Variants in RHCE observed in about 807,000 individuals in gnomAD.
RHCE encodes blood group Rh(CE) polypeptide.
A neutral mutation model predicts 43.8 loss-of-function variants in RHCE; 22 were observed. The observed-to-expected ratio is 0.50, with a 90% CI of 0.36 to 0.72. The LOEUF (loss-of-function observed/expected upper bound fraction) is 0.72, where lower values mean the gene tolerates loss of function less well. Ranked by LOEUF, RHCE falls within the 30% of genes least tolerant of loss-of-function variation. The pLI, the probability that RHCE is intolerant of heterozygous loss-of-function variation, is 0.00. For missense variants in RHCE, 385 were observed against 525.4 expected, an observed-to-expected ratio of 0.73 and a Z score of 2.61; for synonymous variants, 156 against 210.7, an observed-to-expected ratio of 0.74 and a Z score of 2.25.
Position 25,379,477 on chromosome 1 carries a change from ATATATATATATATATATATTTTTTTTTT to A in RHCE, c.1074-4077_1074-4050del, listed in dbSNP as rs1415799311. ...TATATATATATATATATATATATAT[ATATATATATATATATATATTTTTTTTTT>A]TTTTTTTTTTTTTTTTAAAGATGGG... On this transcript the variant is annotated intron_variant, in intron 7 of 9. Coordinates refer to ENST00000294413, the MANE Select transcript of RHCE (RefSeq NM_020485.8). Among the ~76,000 whole-genome samples the A allele has an allele frequency of 5.6e-3, 75 of 13,440 alleles. 1 individual carries two copies. The highest frequency in any genetic ancestry group is 9.4e-3 in the Admixed American group (8 of 852). 8.8% of individuals were successfully genotyped at this position (13,440 alleles called of 152,430 possible).
chr1:25,403,930 G>T (rs1275426083), intron 2 of RHCE, among the ~76,000 whole-genome samples: 11 of 151,600 alleles, frequency 7.3e-5, no homozygotes, highest in Admixed American at 7.2e-4. Flanking sequence ...CACTTTGGGA[G>T]GCCAAGGCAG....
intron 1 of RHCE, among the ~76,000 whole-genome samples, chr1:25,410,787 T>C (rs1217508700): frequency 1.3e-5 from 2 of 152,112 alleles, no homozygotes; most frequent in Admixed American, 1.3e-4. Context: ...TCATTTCCTA[T>C]TAGATTAAAC....
intron 3 of RHCE, among the ~76,000 whole-genome samples, chr1:25,397,111 C>CAAAAAA (rs151106139): frequency 2.3e-3 from 130 of 57,384 alleles, no homozygotes; most frequent in Non-Finnish European, 2.7e-3. Context: ...GACTCTGTCT[C>CAAAAAA]AAAAAAAAAA....
upstream of RHCE, among the ~76,000 whole-genome samples, chr1:25,423,547 G>A (rs1038500634): frequency 8.5e-5 from 13 of 152,164 alleles, no homozygotes; most frequent in East Asian, 1.9e-4. Flanking sequence ...CCCGCTCCTC[G>A]CAGAACAGAA....
upstream of RHCE, among the ~76,000 whole-genome samples, chr1:25,421,975 T>G (rs1274702803): frequency 5.9e-5 from 9 of 152,142 alleles, no homozygotes. Flanking sequence ...GAAATACTCA[T>G]GAGGTAGTGA....
upstream of RHCE, chr1:25,430,193 C>A (rs1054174378): frequency 1.3e-5 from 2 of 152,082 alleles, no homozygotes; most frequent in African/African-American, 4.8e-5. Context: ...CCCCGGGCAT[C>A]TCTGCGCTAC....
chr1:25,402,849 T>G, intron 2 of RHCE, 103 bp from the exon 3 acceptor site: 1 of 1,525,756 alleles, frequency 6.6e-7, no homozygotes, highest in Admixed American at 1.7e-5. Context: ...GGCACCTTAC[T>G]TTCTGTGGAA....
intron 2 of RHCE, among the ~76,000 whole-genome samples, chr1:25,427,213 G>A (rs1316614905): frequency 2.0e-5 from 3 of 152,170 alleles, no homozygotes; most frequent in Non-Finnish European, 2.9e-5. Context: ...ACAGAGGTGG[G>A]AATACCATTT....
At chr1:25,419,968 A>C (rs2042723174) in intron 1 of RHCE, among the ~76,000 whole-genome samples, 2 of 147,156 alleles carry the variant, frequency 1.4e-5, no homozygotes, top group African/African-American at 5.3e-5. Context: ...GCTTGTGTCC[A>C]GGAGTTTGAG....
At chr1:25,371,038 A>G (rs555402929) in intron 8 of RHCE, among the ~76,000 whole-genome samples, 3 of 150,054 alleles carry the variant, frequency 2.0e-5, no homozygotes, top group East Asian at 3.9e-4. Context: ...TTATAGGCAT[A>G]AGCCACCACA....
At chr1:25,410,081 G>A (rs1217299981) in intron 1 of RHCE, among the ~76,000 whole-genome samples, 1 of 152,016 alleles carries the variant, frequency 6.6e-6, no homozygotes, top group African/African-American at 2.4e-5. Flanking sequence ...ATTTTTAATA[G>A]AGAAGGGGTT....
intron 5 of RHCE, among the ~76,000 whole-genome samples, chr1:25,390,491 C>G (rs146108388): frequency 0.014 from 2,063 of 152,242 alleles, 53 homozygotes; most frequent in African/African-American, 0.047. Flanking sequence ...GGTTCAAACT[C>G]AGGTCTGTTT....
intron 3 of RHCE, among the ~76,000 whole-genome samples, chr1:25,397,630 G>A (rs925201117): frequency 9.9e-5 from 15 of 151,984 alleles, no homozygotes; most frequent in Non-Finnish European, 1.8e-4. Flanking sequence ...CCTCCTGGCC[G>A]CCCCTTGGTC....
At chr1:25,400,109 C>G (rs1324665271) in intron 3 of RHCE, among the ~76,000 whole-genome samples, 7 of 152,152 alleles carry the variant, frequency 4.6e-5, no homozygotes, top group Non-Finnish European at 7.3e-5. Flanking sequence ...TGCAGTTCAT[C>G]TCTCTTCTGT....
intron 7 of RHCE, among the ~76,000 whole-genome samples, chr1:25,379,473 ATATATATATATATATATATATATTTT>A (rs1441689676): frequency 7.9e-5 from 1 of 12,586 alleles, no homozygotes; most frequent in Non-Finnish European, 2.5e-4. Flanking sequence ...ATATATATAT[ATATATATATATATATATATATATTTT>A]TTTTTTTTTT....
At chr1:25,386,325 G>C (rs1646159049) in intron 6 of RHCE, among the ~76,000 whole-genome samples, 1 of 152,172 alleles carries the variant, frequency 6.6e-6, no homozygotes, top group African/African-American at 2.4e-5. Flanking sequence ...AAGACCCACT[G>C]GTCTAGCCCA....
intron 2 of RHCE, among the ~76,000 whole-genome samples, chr1:25,404,083 G>A (rs1042103722): frequency 4.8e-5 from 7 of 146,820 alleles, no homozygotes; most frequent in East Asian, 2.0e-4. Context: ...CATGGCAGTC[G>A]CTTGAACCCG....
chr1:25,402,823 T>G (rs1229980781), intron 2 of RHCE, 77 bp from the exon 3 acceptor site: 6 of 1,569,016 alleles, frequency 3.8e-6, no homozygotes, highest in Admixed American at 1.7e-5. Flanking sequence ...ATTCATTCAT[T>G]CAACAAACAC....
Position 25,402,779 on chromosome 1 carries a change from G to A in RHCE, c.336-33C>T, listed in dbSNP as rs753120156. ...TGAGAAGGAGAGCCAGGATGACTGA[G>A]AAGGAAGGATGCCTCTCACTCATTC... On this transcript the variant is annotated intron_variant, in intron 2 of 9. Coordinates refer to ENST00000294413, the MANE Select transcript of RHCE (RefSeq NM_020485.8). 71 of 1,613,300 alleles carry A rather than the reference G, an allele frequency of 4.4e-5. 3 individuals carry two copies. Among genetic ancestry groups the A allele is most frequent in the East Asian group, 8.9e-5 (4 of 44,878 alleles).
Sources: allele counts gnomAD v4.1 joint callset (sites outside exome capture counted in the v4.1 genomes callset), GRCh38; gene constraint gnomAD v4.1.1; transcripts MANE v1.5; gene names NCBI Gene and HGNC (gene_info 2026-07-23, HGNC 2026-07-21).